Variants in HNRNPM observed in about 807,000 individuals in gnomAD.
The protein encoded by HNRNPM is heterogeneous nuclear ribonucleoprotein M.
Under a neutral mutation model 73.1 loss-of-function variants are expected in HNRNPM, and 11 were observed. That is an observed-to-expected ratio of 0.15 (90% CI 0.09 to 0.25). HNRNPM has a LOEUF of 0.25. Ranked by LOEUF, HNRNPM falls within the 10% of genes least tolerant of loss-of-function variation. The pLI is 1.00. For synonymous variants in HNRNPM, 407 were observed against 355.2 expected (o/e 1.15, Z -1.64); for missense variants, 789 against 1,067.9 (o/e 0.74, Z 3.64).
chr19:8,452,422 AGTC>A (rs1315256188), intron 1 of HNRNPM, among the ~76,000 whole-genome samples: 10 of 152,244 alleles, frequency 6.6e-5, no homozygotes, highest in Admixed American at 5.9e-4. Flanking sequence ...TTTCTAACAC[AGTC>A]GTCGTCATTT....
intron 9 of HNRNPM, 71 bp downstream of exon 9, chr19:8,468,905 G>A: frequency 8.1e-7 from 1 of 1,240,480 alleles, no homozygotes; most frequent in Non-Finnish European, 1.2e-6. Flanking sequence ...ATTACCATAT[G>A]GTTTCACTTG....
At chr19:8,486,882 T>C (rs549135768) in intron 14 of HNRNPM, 142 bp from the exon 15 acceptor site, 39 of 743,370 alleles carry the variant, frequency 5.2e-5, no homozygotes, top group Non-Finnish European at 3.2e-5. Flanking sequence ...TCTATTAGTT[T>C]CCTGCTGATC....
chr19:8,468,000 C>T (rs962441725), intron 8 of HNRNPM, among the ~76,000 whole-genome samples: 1 of 151,962 alleles, frequency 6.6e-6, no homozygotes, highest in Admixed American at 6.6e-5. Context: ...GCACTCCAGC[C>T]TGGGCAACAG....
Position 8,486,047 on chromosome 19 carries a change from G to T in HNRNPM, c.1619G>T (p.Gly540Val). Residue 540 changes from glycine to valine, a missense_variant, in exon 14 of 16, where the codon GGC becomes GTC. Gly to Val is a moderately radical substitution (Grantham distance 109). Transcript: ENST00000325495. ...ATGGTGCCCGCAGGTATGGGAGCTG[G>T]CCTGGAGCGCATGGGCCCCGTGATG... ...ERMVPAGMGA[G>V]LERMGPVMDR... The T allele has an allele frequency of 6.2e-7, 1 of 1,605,940 alleles. No homozygotes were observed. The highest frequency in any genetic ancestry group is 8.5e-7 in the Non-Finnish European group (1 of 1,179,472).
At chr19:8,467,841 G>A (rs1055450671) in intron 8 of HNRNPM, among the ~76,000 whole-genome samples, 2 of 152,046 alleles carry the variant, frequency 1.3e-5, no homozygotes, top group East Asian at 1.9e-4. Flanking sequence ...CCTGACCAAC[G>A]TGGTGGAACT....
chr19:8,487,287 C>A, intron 15 of HNRNPM: 1 of 566,780 alleles, frequency 1.8e-6, no homozygotes, highest in South Asian at 2.0e-5. Context: ...TCCTTACTTC[C>A]TTTTTTCTTT....
chr19:8,464,545 T>C (rs1969609879), intron 5 of HNRNPM, among the ~76,000 whole-genome samples: 1 of 151,968 alleles, frequency 6.6e-6, no homozygotes, highest in Admixed American at 6.6e-5. Context: ...GGCAGGAGAA[T>C]CGCTGGAACC....
In HNRNPM at chr19:8,485,405, G is replaced by A. The variant is rs575316729; in HGVS notation, c.1175-198G>A. ...ATGGAAATCTCAGCTGTGGCATAGA[G>A]CAGAGAGAATGCTGGGAGGCCCCCA... On this transcript the variant is annotated intron_variant, in intron 13 of 15. Coordinates refer to ENST00000325495, the MANE Select transcript of HNRNPM (RefSeq NM_005968.5). Among the ~76,000 whole-genome samples, 11 of 152,356 alleles carry A rather than the reference G, an allele frequency of 7.2e-5. No homozygotes were observed. The South Asian group carries it at 2.3e-3, about 32-fold the overall frequency.
At chr19:8,484,173 CTTTTTT>C (rs33931165) in intron 13 of HNRNPM, among the ~76,000 whole-genome samples, 3 of 110,160 alleles carry the variant, frequency 2.7e-5, no homozygotes, top group African/African-American at 3.2e-5. Context: ...CCTCCCATTT[CTTTTTT>C]TTTTTTTTTT....
chr19:8,476,183 T>A (rs1275533316), intron 12 of HNRNPM, among the ~76,000 whole-genome samples: 1 of 152,034 alleles, frequency 6.6e-6, no homozygotes, highest in African/African-American at 2.4e-5. Context: ...TGTTCTTAGA[T>A]GTTCTGAGAT....
chr19:8,487,393 T>TA (rs1301171962), intron 15 of HNRNPM: 58 of 346,268 alleles, frequency 1.7e-4, no homozygotes, highest in South Asian at 1.2e-3. Flanking sequence ...GTGGCAAGGC[T>TA]AAATAAATAC....
At chr19:8,457,103 A>C (rs984410862) in intron 2 of HNRNPM, among the ~76,000 whole-genome samples, 1 of 152,224 alleles carries the variant, frequency 6.6e-6, no homozygotes, top group Admixed American at 6.5e-5. Flanking sequence ...AGTAGTTCCA[A>C]GAACCAGGAA....
At chr19:8,475,963 T>C (rs1970476756) in intron 12 of HNRNPM, among the ~76,000 whole-genome samples, 1 of 149,634 alleles carries the variant, frequency 6.7e-6, no homozygotes, top group South Asian at 2.1e-4. Flanking sequence ...ATTTGAGTTG[T>C]TGCTGTGAGG....
At position 8,488,701 on chromosome 19, in the gene HNRNPM, G is replaced by T. The variant is rs764366672; in HGVS notation, c.2040G>T (p.Leu680=). The part of the protein sequence containing the change: ...KDKFNECGHV[L]YADIKMENGK... Reference sequence around the variant, plus strand: ...CCCTCCCTGTCCTAGGCCACGTGCTGTACGCCGACATCAAGATGGAGAATG... The same window carrying T: ...CCCTCCCTGTCCTAGGCCACGTGCTTTACGCCGACATCAAGATGGAGAATG... Residue 680 remains leucine (L), a synonymous_variant, in exon 16 of 16, where the codon CTG becomes CTT. Coordinates refer to ENST00000325495, the MANE Select transcript of HNRNPM (RefSeq NM_005968.5). 3 of 1,613,596 alleles carry T rather than the reference G, an allele frequency of 1.9e-6. No individual in the cohort carries two copies. In the African/African-American group the frequency reaches 4.0e-5, roughly 22 times the overall value.
At chr19:8,475,817 C>G (rs992389150) in intron 12 of HNRNPM, among the ~76,000 whole-genome samples, 1 of 151,956 alleles carries the variant, frequency 6.6e-6, no homozygotes, top group African/African-American at 2.4e-5. Context: ...CCTGTAATCC[C>G]AACACTTTGG....
intron 1 of HNRNPM, among the ~76,000 whole-genome samples, chr19:8,453,204 C>T (rs1968751602): frequency 1.3e-5 from 2 of 152,160 alleles, no homozygotes; most frequent in Non-Finnish European, 2.9e-5. Context: ...TGCAGTGGTG[C>T]GGTCTCAGCT....
chr19:8,463,549 T>C, intron 4 of HNRNPM, 44 bp from the exon 5 acceptor site: 1 of 1,613,156 alleles, frequency 6.2e-7, no homozygotes. Flanking sequence ...CCTTCTAACT[T>C]GTAGGACTGG....
intron 15 of HNRNPM, 137 bp from the exon 16 acceptor site, chr19:8,488,554 G>C (rs1466382258): frequency 1.5e-6 from 1 of 659,886 alleles, no homozygotes; most frequent in Non-Finnish European, 2.5e-6. Flanking sequence ...GGCTGAGGGG[G>C]CCGTAGTCAT....
At chr19:8,486,431 G>T in intron 14 of HNRNPM, 26 bp downstream of exon 14, 1 of 1,533,850 alleles carries the variant, frequency 6.5e-7, no homozygotes, top group South Asian at 1.2e-5. Flanking sequence ...GGAACTTCTT[G>T]GTGGTGGTGA....
Sources: gnomAD v4.1 joint callset for allele counts (sites outside exome capture counted in the v4.1 genomes callset) on GRCh38, gnomAD v4.1.1 for gene constraint, MANE v1.5 for transcripts, NCBI Gene and HGNC (gene_info 2026-07-23, HGNC 2026-07-21) for gene names.